The following AK5 variants were observed in gnomAD, a reference collection of about 807,000 sequenced individuals.
AK5 encodes adenylate kinase isoenzyme 5.
A neutral mutation model predicts 69.5 loss-of-function variants in AK5; 27 were observed. That is an observed-to-expected ratio of 0.39 (90% confidence interval 0.29 to 0.54). The LOEUF (loss-of-function observed/expected upper bound fraction) is 0.54, where lower values mean the gene tolerates loss of function less well. AK5 is among the 20% of genes least tolerant of loss of function. The pLI is 0.71. For synonymous variants in AK5, 260 were observed against 244.4 expected (o/e 1.06, Z -0.60); for missense variants, 531 against 700.4 (o/e 0.76, Z 2.73).
At chr1:77,286,218 T>A (rs2602944) in intron 1 of AK5, among the ~76,000 whole-genome samples, 68,063 of 151,408 alleles carry the variant, frequency 0.45, 15,447 homozygotes, top group Admixed American at 0.5. Flanking sequence ...CTATGAGGTA[T>A]TTATTATTAC....
rs1014657194 is a variant in AK5, at chr1:77,411,157, A to G, written c.982+86A>G. The G allele has an allele frequency of 3.8e-5, 41 of 1,089,334 alleles. 1 individual carries two copies. In the Middle Eastern group the frequency reaches 6.0e-4, roughly 16 times the overall value. 67.5% of individuals were successfully genotyped at this position (1,089,334 alleles called of 1,614,324 possible). On this transcript the variant is annotated intron_variant, in intron 7 of 13. Coordinates refer to ENST00000354567, the MANE Select transcript of AK5 (RefSeq NM_174858.3). The stretch of plus-strand genomic sequence containing the variant: ...TTTGTATTAATGGTTGAAGTTCAAC[A>G]AACTGCTGCAAGTTTTGAAGGATGA...
chr1:77,502,631 T>C (rs1315140305), intron 10 of AK5, among the ~76,000 whole-genome samples: 2 of 152,164 alleles, frequency 1.3e-5, no homozygotes, highest in African/African-American at 4.8e-5. Context: ...AAAAAAAAGT[T>C]TTGATTTTTA....
At chr1:77,530,101 T>A (rs1347480094) in intron 12 of AK5, among the ~76,000 whole-genome samples, 1 of 152,214 alleles carries the variant, frequency 6.6e-6, no homozygotes, top group Non-Finnish European at 1.5e-5. Flanking sequence ...CACGTGCACA[T>A]ATGCACACAT....
intron 5 of AK5, among the ~76,000 whole-genome samples, chr1:77,332,992 A>G (rs183567964): frequency 6.6e-6 from 1 of 151,912 alleles, no homozygotes; most frequent in East Asian, 1.9e-4. Context: ...TAGATCATGC[A>G]AATTAAAAGT....
chr1:77,558,496 T>C (rs1279344579), intron 13 of AK5, 106 bp from the exon 14 acceptor site: 15 of 704,646 alleles, frequency 2.1e-5, no homozygotes, highest in Non-Finnish European at 3.1e-5. Flanking sequence ...TCTTGTGTTT[T>C]AAAATTTTGC....
In AK5 at chr1:77,559,803, A is replaced by G. The variant is rs1382622081; in HGVS notation, c.*1133A>G. 3 of 150,976 alleles carry G rather than the reference A, an allele frequency of 2.0e-5. No homozygotes were observed. Among genetic ancestry groups the G allele is most frequent in the Non-Finnish European group, 4.4e-5 (3 of 67,868 alleles). 9.4% of individuals were successfully genotyped at this position (150,976 alleles called of 1,614,324 possible). A position where few individuals can be genotyped will look rare whatever the true frequency, so the allele number is the denominator to read the frequency against. On this transcript the variant is annotated 3_prime_UTR_variant, in exon 14 of 14. Transcript: ENST00000354567. ...TTCTACTGGAATAACTGCATCTTCC[A>G]CTCAGTCACTACAAAAAAGCATAGT...
intron 13 of AK5, among the ~76,000 whole-genome samples, chr1:77,548,285 C>T (rs775054460): frequency 3.9e-5 from 6 of 152,152 alleles, no homozygotes; most frequent in African/African-American, 7.2e-5. Flanking sequence ...GCTTTGATAA[C>T]GAGGAGAACT....
chr1:77,282,789 G>T (rs1658134731), intron 1 of AK5: 10 of 996,950 alleles, frequency 1.0e-5, no homozygotes, highest in Non-Finnish European at 1.2e-5. Context: ...TAGTCACTCT[G>T]CTGGTCGAGG....
At chr1:77,407,561 A>G (rs74570973) in intron 6 of AK5, among the ~76,000 whole-genome samples, 13,590 of 152,072 alleles carry the variant, frequency 0.089, 816 homozygotes, top group African/African-American at 0.16. Context: ...TATGTTAACT[A>G]TTTTTATTTT....
intron 7 of AK5, among the ~76,000 whole-genome samples, chr1:77,411,416 G>T (rs566740672): frequency 6.6e-6 from 1 of 152,036 alleles, no homozygotes; most frequent in African/African-American, 2.4e-5. Flanking sequence ...TAACTCATAC[G>T]ATAGGTTTCT....
At chr1:77,368,223 A>G (rs1275064142) in intron 6 of AK5, among the ~76,000 whole-genome samples, 3 of 31,668 alleles carry the variant, frequency 9.5e-5, no homozygotes, top group African/African-American at 2.8e-4. Context: ...TACTATATAT[A>G]TATATATATA....
intron 3 of AK5, among the ~76,000 whole-genome samples, chr1:77,294,370 G>A (rs1029050245): frequency 6.7e-5 from 10 of 149,842 alleles, no homozygotes; most frequent in Admixed American, 6.1e-4. Context: ...CTTGAACCCA[G>A]GAGTCCAGCC....
At chr1:77,293,108 A>G (rs1658781657) in intron 2 of AK5, among the ~76,000 whole-genome samples, 1 of 152,194 alleles carries the variant, frequency 6.6e-6, no homozygotes, top group Non-Finnish European at 1.5e-5. Context: ...TAATAAGTAA[A>G]TTGATAAAGT....
At chr1:77,534,759 A>T (rs1460668318) in intron 12 of AK5, among the ~76,000 whole-genome samples, 1 of 152,188 alleles carries the variant, frequency 6.6e-6, no homozygotes, top group East Asian at 1.9e-4. Context: ...GGAGTTCAAG[A>T]CTGTATAGTG....
intron 6 of AK5, among the ~76,000 whole-genome samples, chr1:77,373,514 G>C (rs567196935): frequency 2.6e-5 from 4 of 152,128 alleles, no homozygotes; most frequent in Non-Finnish European, 5.9e-5. Flanking sequence ...ATCACTTGAG[G>C]TCAGGAGTCG....
At chr1:77,402,122 C>G (rs1022090072) in intron 6 of AK5, among the ~76,000 whole-genome samples, 3 of 152,108 alleles carry the variant, frequency 2.0e-5, no homozygotes, top group Non-Finnish European at 4.4e-5. Context: ...GGTCTATTGT[C>G]CTGCAATTAT....
chr1:77,534,436 A>T (rs1658842255), intron 12 of AK5, among the ~76,000 whole-genome samples: 1 of 152,244 alleles, frequency 6.6e-6, no homozygotes, highest in Admixed American at 6.5e-5. Context: ...GGAGCAGAGA[A>T]TTCTTAATCC....
intron 5 of AK5, among the ~76,000 whole-genome samples, chr1:77,306,799 G>A (rs1659668431): frequency 6.6e-6 from 1 of 151,890 alleles, no homozygotes; most frequent in Non-Finnish European, 1.5e-5. Context: ...GTCTGTTCAG[G>A]TTTGGGATTT....
intron 10 of AK5, among the ~76,000 whole-genome samples, chr1:77,490,054 A>G (rs189652552): frequency 6.6e-6 from 1 of 152,270 alleles, no homozygotes; most frequent in East Asian, 1.9e-4. Flanking sequence ...TTTGGGTACT[A>G]CTTAATGACT....
Sources: allele counts gnomAD v4.1 joint callset (sites outside exome capture counted in the v4.1 genomes callset), GRCh38; gene constraint gnomAD v4.1.1; transcripts MANE v1.5; gene names NCBI Gene and HGNC (gene_info 2026-07-23, HGNC 2026-07-21).